Variants in DOCK7 observed in about 807,000 individuals in gnomAD.
DOCK7 encodes dedicator of cytokinesis protein 7.
DOCK7 carries 138 observed loss-of-function variants against 271.0 expected under a neutral mutation model. The observed-to-expected ratio is 0.51, with a 90% CI of 0.44 to 0.59. The LOEUF (loss-of-function observed/expected upper bound fraction) is 0.59. Ranked by LOEUF, DOCK7 falls within the 20% of genes least tolerant of loss-of-function variation. The probability of loss-of-function intolerance (pLI) is 0.00; values close to 1 mark genes in which losing one functional copy is unlikely to be tolerated. For synonymous variants in DOCK7, 823 were observed against 876.1 expected (o/e 0.94, Z 1.07); for missense variants, 2,066 against 2,592.4 (o/e 0.80, Z 4.41).
chr1:62,475,113 T>C, intron 47 of DOCK7, 95 bp downstream of exon 47: 1 of 1,365,406 alleles, frequency 7.3e-7, no homozygotes, highest in East Asian at 2.7e-5. Flanking sequence ...AGAAGGCAGA[T>C]CCTTTTCATC....
At chr1:62,609,475 T>C (rs1651467874) in intron 14 of DOCK7, 1 of 152,200 alleles carries the variant, frequency 6.6e-6, no homozygotes, top group African/African-American at 2.4e-5. Context: ...ATAATAATCC[T>C]GTCAAATCTA....
intron 48 of DOCK7, among the ~76,000 whole-genome samples, chr1:62,464,604 C>T (rs1339704426): frequency 6.6e-6 from 1 of 151,968 alleles, no homozygotes; most frequent in African/African-American, 2.4e-5. Context: ...ATCGCTTGAA[C>T]CCGGGAGGTA....
At chr1:62,460,634 CACA>C (rs1645495961) in intron 48 of DOCK7, among the ~76,000 whole-genome samples, 4 of 149,906 alleles carry the variant, frequency 2.7e-5, no homozygotes, top group African/African-American at 9.8e-5. Context: ...CACACACACA[CACA>C]CACCCTCCAA....
chr1:62,571,142 T>G (rs1394296219), intron 18 of DOCK7, among the ~76,000 whole-genome samples: 1 of 152,118 alleles, frequency 6.6e-6, no homozygotes, highest in African/African-American at 2.4e-5. Flanking sequence ...GAGAGAAATT[T>G]TGCAACCTAT....
chr1:62,594,315 T>C (rs1242812844), intron 14 of DOCK7, among the ~76,000 whole-genome samples: 1 of 152,042 alleles, frequency 6.6e-6, no homozygotes, highest in East Asian at 1.9e-4. Flanking sequence ...CTGCAGTTTA[T>C]AATTAGGCAA....
chr1:62,495,097 C>T (rs1168039), intron 39 of DOCK7: 148,696 of 152,432 alleles, frequency 0.98, 72,634 homozygotes, highest in Middle Eastern at 1. Context: ...GAGTTTTACA[C>T]TGAAAATATT....
chr1:62,630,035 G>A (rs1654424584), intron 11 of DOCK7, among the ~76,000 whole-genome samples: 2 of 152,344 alleles, frequency 1.3e-5, no homozygotes, highest in South Asian at 4.1e-4. Flanking sequence ...TATGGCAAAT[G>A]CACCCGACAG....
At chr1:62,625,545 A>G in intron 11 of DOCK7, 144 bp from the exon 12 acceptor site, 1 of 723,486 alleles carries the variant, frequency 1.4e-6, no homozygotes. Flanking sequence ...TTGCTTTTGG[A>G]GAGATTAGTA....
intron 37 of DOCK7, 145 bp from the exon 38 acceptor site, chr1:62,496,642 A>C: frequency 1.4e-6 from 1 of 731,710 alleles, no homozygotes; most frequent in Non-Finnish European, 2.1e-6. Flanking sequence ...GCATATCAAA[A>C]TCTTATTTTA....
chr1:62,514,442 T>C (rs1028526236), intron 31 of DOCK7, among the ~76,000 whole-genome samples: 17 of 152,138 alleles, frequency 1.1e-4, no homozygotes, highest in African/African-American at 4.1e-4. Context: ...TGAAATGCTA[T>C]TTTCAATCAT....
chr1:62,579,082 T>A (rs1647030968), intron 16 of DOCK7, 116 bp from the exon 17 acceptor site: 1 of 1,030,980 alleles, frequency 9.7e-7, no homozygotes, highest in Non-Finnish European at 1.3e-6. Flanking sequence ...TTTCCTCTAG[T>A]CCAAAATATT....
chr1:62,463,233 C>T (rs557299034), intron 48 of DOCK7, among the ~76,000 whole-genome samples: 19 of 152,272 alleles, frequency 1.2e-4, no homozygotes, highest in Non-Finnish European at 1.9e-4. Flanking sequence ...TATTCAACCT[C>T]TTTGGTAATC....
chr1:62,470,000 T>C (rs1165023693), intron 48 of DOCK7, among the ~76,000 whole-genome samples: 3 of 151,780 alleles, frequency 2.0e-5, no homozygotes, highest in African/African-American at 4.8e-5. Flanking sequence ...ACAACCACTA[T>C]GGAAAACAGT....
chr1:62,505,241 A>G (rs1025382647), intron 36 of DOCK7, among the ~76,000 whole-genome samples: 2 of 152,266 alleles, frequency 1.3e-5, no homozygotes, highest in Non-Finnish European at 2.9e-5. Flanking sequence ...AAATATAAGA[A>G]GTAAACATTT....
intron 36 of DOCK7, 37 bp downstream of exon 36, chr1:62,505,645 C>A (rs1168711060): frequency 3.8e-6 from 6 of 1,567,474 alleles, no homozygotes; most frequent in Non-Finnish European, 5.2e-6. Flanking sequence ...ATAAAAAAAA[C>A]AAAGTCTGAC....
At chr1:62,590,684 T>G (rs1237966463) in intron 14 of DOCK7, among the ~76,000 whole-genome samples, 1 of 152,022 alleles carries the variant, frequency 6.6e-6, no homozygotes, top group Non-Finnish European at 1.5e-5. Flanking sequence ...ACAAAGCACA[T>G]GAACAGACAC....
rs1557864768 is a variant in DOCK7 at position 62,654,104 on chromosome 1, T to C, written c.200A>G (p.His67Arg). 1.9e-6 allele frequency: 3 copies of C among 1,613,850 alleles called. No homozygotes were observed. Among genetic ancestry groups the C allele is most frequent in the African/African-American group, 1.3e-5 (1 of 74,918 alleles). Reference sequence around the variant, plus strand: ...AGGCCCAGAATCCACAGCCAAAGGATGAGTAATGAGGTAATCTTCCAAATC... The same window carrying C: ...AGGCCCAGAATCCACAGCCAAAGGACGAGTAATGAGGTAATCTTCCAAATC... ...PVDLEDYLIT[H>R]PLAVDSGPLR... Residue 67 changes from histidine (H) to arginine (R), a missense_variant, in exon 3 of 50, where the codon CAT becomes CGT. This residue lies in a region of DOCK7 where 1,414 missense variants were observed against 1,670.4 expected (regional missense o/e 0.85). Transcript: ENST00000635253.
intron 1 of DOCK7, among the ~76,000 whole-genome samples, chr1:62,678,126 T>C (rs1033958541): frequency 1.3e-5 from 2 of 151,812 alleles, no homozygotes; most frequent in Non-Finnish European, 1.5e-5. Flanking sequence ...AGAGTCCACC[T>C]CAAAAAAGTA....
chr1:62,631,726 C>A (rs1408745972), intron 10 of DOCK7, among the ~76,000 whole-genome samples: 1 of 149,914 alleles, frequency 6.7e-6, no homozygotes, highest in South Asian at 2.1e-4. Flanking sequence ...ATGGTCTAGT[C>A]AGCAACTGGT....
Sources: allele counts gnomAD v4.1 joint callset (sites outside exome capture counted in the v4.1 genomes callset), GRCh38; gene constraint gnomAD v4.1.1; regional missense constraint gnomAD v4.1.1; transcripts MANE v1.5; gene names NCBI Gene and HGNC (gene_info 2026-07-23, HGNC 2026-07-21).